The following GPATCH2L variants were observed in gnomAD, a reference collection of about 807,000 sequenced individuals.
GPATCH2L encodes the protein G patch domain-containing protein 2-like.
GPATCH2L carries 31 observed loss-of-function variants against 57.4 expected under a neutral mutation model. That is an observed-to-expected ratio of 0.54 (90% CI 0.41 to 0.73). The LOEUF (loss-of-function observed/expected upper bound fraction) is 0.73. GPATCH2L is among the 30% of genes least tolerant of loss of function. GPATCH2L has a pLI of 0.00. For synonymous variants in GPATCH2L, 199 were observed against 210.7 expected (o/e 0.94, Z 0.48); for missense variants, 481 against 599.9 (o/e 0.80, Z 2.07).
intron 8 of GPATCH2L, among the ~76,000 whole-genome samples, chr14:76,192,360 C>T (rs1182046772): frequency 6.6e-6 from 1 of 152,028 alleles, no homozygotes; most frequent in African/African-American, 2.4e-5. Flanking sequence ...CTTCCCTCCC[C>T]AAATCTTGTC....
intron 5 of GPATCH2L, chr14:76,174,430 T>G (rs931089456): frequency 6.6e-6 from 1 of 152,172 alleles, no homozygotes; most frequent in African/African-American, 2.4e-5. Flanking sequence ...GAGCATTAAT[T>G]TGTTTGTTCA....
chr14:76,178,229 A>G, intron 7 of GPATCH2L, 187 bp downstream of exon 7: 2 of 1,510,844 alleles, frequency 1.3e-6, no homozygotes, highest in Non-Finnish European at 1.8e-6. Context: ...GCAGTAAGAA[A>G]GCAGAATGAA....
chr14:76,180,788 T>C lies in GPATCH2L; in HGVS notation c.1132T>C (p.Ser378Pro). ...HEFNPLSPLYSLDVLADASHR... is the reference protein window; with the variant it reads ...HEFNPLSPLYPLDVLADASHR... ...GTTCAATCCCCTGTCTCCCCTTTAC[T>C]CCCTGGATGTTCTTGCCGATGCTTC... Residue 378 changes from serine to proline, a missense_variant, in exon 8 of 10, where the codon TCC (serine) becomes CCC (proline). Physicochemically the swap from Ser to Pro is moderately conservative, Grantham distance 74 (BLOSUM62 -1). This residue lies in a region of GPATCH2L where 248 missense variants were observed against 270.5 expected (regional missense o/e 0.92). Coordinates refer to ENST00000261530, the MANE Select transcript of GPATCH2L (RefSeq NM_017926.4). 1.2e-6 allele frequency: 2 copies of C among 1,612,740 alleles called. No individual in the cohort carries two copies. The highest frequency in any genetic ancestry group is 1.7e-6 in the Non-Finnish European group (2 of 1,178,706).
At chr14:76,221,166 T>C (rs1311713083) in intron 1 of GPATCH2L, among the ~76,000 whole-genome samples, 2 of 115,260 alleles carry the variant, frequency 1.7e-5, no homozygotes, top group Non-Finnish European at 3.7e-5. Flanking sequence ...AACTCAGCAA[T>C]AAGAAAAAAA....
intron 8 of GPATCH2L, among the ~76,000 whole-genome samples, chr14:76,190,028 A>T (rs978956069): frequency 2.6e-5 from 4 of 152,114 alleles, no homozygotes; most frequent in African/African-American, 9.7e-5. Flanking sequence ...GTGACTCTAA[A>T]GATCTTTGTT....
At position 76,173,822 on chromosome 14, in the gene GPATCH2L, A is replaced by T. The variant is rs1050755297; in HGVS notation, c.984+197A>T. 4.4e-5 allele frequency: 22 copies of T among 497,310 alleles called. No individual in the cohort carries two copies. In the East Asian group the frequency reaches 6.5e-4, roughly 15 times the overall value. 30.8% of individuals were successfully genotyped at this position (497,310 alleles called of 1,614,324 possible). A position where few individuals can be genotyped will look rare whatever the true frequency, so the allele number is the denominator to read the frequency against. On this transcript the variant is annotated intron_variant, in intron 5 of 9. Transcript: ENST00000261530. ...ACAAATAAAAGATGAAACGTAATTC[A>T]TATAGAAGTACTGACAAAAAAAAAA...
chr14:76,198,707 A>G (rs1025782657), intron 9 of GPATCH2L, among the ~76,000 whole-genome samples: 15 of 152,292 alleles, frequency 9.8e-5, no homozygotes, highest in African/African-American at 3.6e-4. Flanking sequence ...ATCAGGTTTC[A>G]AATACTAGGT....
intron 6 of GPATCH2L, 26 bp from the exon 7 acceptor site, chr14:76,177,962 T>A: frequency 6.2e-7 from 1 of 1,602,922 alleles, no homozygotes; most frequent in Non-Finnish European, 8.5e-7. Flanking sequence ...CATCTTTATT[T>A]TATCATTTGG....
At chr14:76,228,361 G>A (rs754933414) in intron 1 of GPATCH2L, among the ~76,000 whole-genome samples, 7 of 152,268 alleles carry the variant, frequency 4.6e-5, no homozygotes, top group South Asian at 4.1e-4. Flanking sequence ...GTGCGCGCGC[G>A]TGTGTGTGTA....
chr14:76,187,697 C>T (rs1231349233), intron 8 of GPATCH2L, among the ~76,000 whole-genome samples: 1 of 152,064 alleles, frequency 6.6e-6, no homozygotes, highest in Admixed American at 6.6e-5. Flanking sequence ...TATCCATCCC[C>T]TCAAGCATTT....
At chr14:76,221,432 G>C (rs762395166) in intron 1 of GPATCH2L, among the ~76,000 whole-genome samples, 1 of 152,086 alleles carries the variant, frequency 6.6e-6, no homozygotes, top group Non-Finnish European at 1.5e-5. Flanking sequence ...GATGAAAGAC[G>C]GTTTGGCAGT....
intron 2 of GPATCH2L, among the ~76,000 whole-genome samples, chr14:76,162,244 C>T (rs982847841): frequency 6.6e-6 from 1 of 152,156 alleles, no homozygotes; most frequent in Non-Finnish European, 1.5e-5. Context: ...TGGCAGAGCT[C>T]ATTTCCTCAT....
chr14:76,224,491 C>A (rs1280102684), intron 1 of GPATCH2L, among the ~76,000 whole-genome samples: 1 of 151,956 alleles, frequency 6.6e-6, no homozygotes, highest in Non-Finnish European at 1.5e-5. Flanking sequence ...TTGATAAAAT[C>A]AAATACTTAT....
downstream of GPATCH2L, among the ~76,000 whole-genome samples, chr14:76,218,481 T>A (rs960958814): frequency 6.6e-6 from 1 of 151,936 alleles, no homozygotes; most frequent in Non-Finnish European, 1.5e-5. Flanking sequence ...GAAATATTAT[T>A]TGTAGAAAAT....
chr14:76,189,403 A>G (rs1048607790), intron 8 of GPATCH2L, among the ~76,000 whole-genome samples: 6 of 151,766 alleles, frequency 4.0e-5, no homozygotes, highest in Non-Finnish European at 7.4e-5. Context: ...TATATTTTTC[A>G]TTATAGAGAT....
chr14:76,168,382 T>C (rs1442047588), intron 3 of GPATCH2L, among the ~76,000 whole-genome samples: 3 of 152,256 alleles, frequency 2.0e-5, no homozygotes, highest in Admixed American at 2.0e-4. Flanking sequence ...CAAGTATTTA[T>C]TGTGGTAATG....
intron 1 of GPATCH2L, among the ~76,000 whole-genome samples, chr14:76,223,497 A>G (rs75667864): frequency 0.03 from 4,584 of 152,344 alleles, 98 homozygotes; most frequent in Non-Finnish European, 0.046. Flanking sequence ...AAACAAATGC[A>G]TAAATCTTCA....
rs1456464276 is a variant in GPATCH2L, at chr14:76,201,787, C to T, written c.1385C>T (p.Ala462Val). The T allele has an allele frequency of 6.2e-7, 1 of 1,614,006 alleles. No individual in the cohort carries two copies. Among genetic ancestry groups the T allele is most frequent in the African/African-American group, 1.3e-5 (1 of 75,020 alleles). ...WLVRTSAAEK[A>V]TDATTATFFK... ...GTGAGGACCTCTGCAGCAGAGAAAG[C>T]CACAGACGCAACTACTGCTACATTT... The change falls in exon 10 of 10, where the codon GCC becomes GTC. Residue 462 changes from alanine (A) to valine (V), a missense_variant. This residue lies in a region of GPATCH2L where 248 missense variants were observed against 270.5 expected (regional missense o/e 0.92). Transcript: ENST00000261530.
Position 76,194,058 on chromosome 14 carries a change from T to G in GPATCH2L, c.1194-1820T>G, listed in dbSNP as rs554273380. 2.5e-4 allele frequency among the ~76,000 whole-genome samples: 38 copies of G among 152,266 alleles called. 2 individuals are homozygous for G. The South Asian group carries it at 7.5e-3, about 30-fold the overall frequency. On this transcript the variant is annotated intron_variant, in intron 8 of 9. Coordinates refer to ENST00000261530, the MANE Select transcript of GPATCH2L (RefSeq NM_017926.4). Reference sequence around the variant, plus strand: ...CTTTATTTTCTGCTTGTGTCTGGACTTCAAAGGGAATTACCACCACTCCGT... The same window carrying G: ...CTTTATTTTCTGCTTGTGTCTGGACGTCAAAGGGAATTACCACCACTCCGT...
Sources: allele counts gnomAD v4.1 joint callset (sites outside exome capture counted in the v4.1 genomes callset), GRCh38; gene constraint gnomAD v4.1.1; regional missense constraint gnomAD v4.1.1; transcripts MANE v1.5; gene names NCBI Gene and HGNC (gene_info 2026-07-23, HGNC 2026-07-21).